Variants in PHACTR1 observed in about 807,000 individuals in gnomAD.
PHACTR1 encodes the protein phosphatase and actin regulator 1.
PHACTR1 carries 16 observed loss-of-function variants against 69.2 expected under a neutral mutation model. That is an observed-to-expected ratio of 0.23 (90% CI 0.16 to 0.35). PHACTR1 has a LOEUF of 0.35. Among genes scored for constraint, PHACTR1 ranks in the 10% least tolerant of loss-of-function variants. The probability of loss-of-function intolerance (pLI) is 1.00; values close to 1 mark genes in which losing one functional copy is unlikely to be tolerated. For missense variants in PHACTR1, 510 were observed against 734.7 expected (o/e 0.69, Z 3.54); for synonymous variants, 312 against 284.5 (o/e 1.10, Z -0.97).
rs138697286 is a variant in PHACTR1 at position 13,167,048 on chromosome 6, G to T, written c.496+6764G>T. Among the ~76,000 whole-genome samples, 319 of 152,340 alleles carry T rather than the reference G, an allele frequency of 2.1e-3. 2 individuals carry two copies. Among genetic ancestry groups the T allele is most frequent in the East Asian group, 0.021 (107 of 5,190 alleles). Reference sequence around the variant, plus strand: ...CTGGCTAGCTACTGATTATTCCAATGTAGGCAGGAAGCAGCTGAAGCCCAG... The same window carrying T: ...CTGGCTAGCTACTGATTATTCCAATTTAGGCAGGAAGCAGCTGAAGCCCAG... On this transcript the variant is annotated intron_variant, in intron 6 of 14. Coordinates refer to ENST00000332995, the MANE Select transcript of PHACTR1 (RefSeq NM_030948.6).
At position 13,211,838 on chromosome 6, in the gene PHACTR1, A is replaced by T. The variant is rs147765227; in HGVS notation, c.986+5702A>T. ...CACACCTGCTCTGCAGCCCATCCCC[A>T]CTACAACAGCAAAAGAGACAGGGTT... On this transcript the variant is annotated intron_variant, in intron 8 of 14. Coordinates refer to ENST00000332995, the MANE Select transcript of PHACTR1 (RefSeq NM_030948.6). Among the ~76,000 whole-genome samples the T allele has an allele frequency of 2.2e-3, 335 of 152,164 alleles. 1 individual carries two copies. Among genetic ancestry groups the T allele is most frequent in the African/African-American group, 7.5e-3 (313 of 41,516 alleles).
intron 7 of PHACTR1, among the ~76,000 whole-genome samples, chr6:13,191,566 A>C (rs1362231565): frequency 6.6e-6 from 1 of 152,174 alleles, no homozygotes; most frequent in African/African-American, 2.4e-5. Flanking sequence ...CAAATGTTCT[A>C]TAGTTGCCTG....
chr6:12,801,056 A>G (rs1049166334), intron 4 of PHACTR1, among the ~76,000 whole-genome samples: 3 of 152,306 alleles, frequency 2.0e-5, no homozygotes, highest in Admixed American at 6.5e-5. Flanking sequence ...GGGATTCTTT[A>G]GGGCCTTTGA....
intron 4 of PHACTR1, among the ~76,000 whole-genome samples, chr6:13,001,797 G>C (rs1798125697): frequency 6.6e-6 from 1 of 152,204 alleles, no homozygotes; most frequent in Non-Finnish European, 1.5e-5. Flanking sequence ...GATCATGCTT[G>C]AGTGATAGGT....
chr6:13,238,509 A>G (rs918521215), intron 10 of PHACTR1, among the ~76,000 whole-genome samples: 7 of 152,250 alleles, frequency 4.6e-5, no homozygotes, highest in Non-Finnish European at 1.0e-4. Flanking sequence ...CATTGTTGCT[A>G]TAAGCAGAAT....
intron 4 of PHACTR1, among the ~76,000 whole-genome samples, chr6:12,814,431 CT>C (rs1316345387): frequency 1.3e-5 from 2 of 152,230 alleles, no homozygotes; most frequent in African/African-American, 2.4e-5. Context: ...AAAAATGTCT[CT>C]TTGCTGTTTT....
chr6:12,802,583 G>T (rs9463134), intron 4 of PHACTR1, among the ~76,000 whole-genome samples: 1 of 151,920 alleles, frequency 6.6e-6, no homozygotes, highest in Non-Finnish European at 1.5e-5. Context: ...GCCATCAACC[G>T]TAGGATGTAC....
chr6:12,936,109 C>T (rs1029844451), intron 4 of PHACTR1, among the ~76,000 whole-genome samples: 1 of 149,784 alleles, frequency 6.7e-6, no homozygotes, highest in African/African-American at 2.5e-5. Context: ...TTGCAACAAA[C>T]AATGAGTGTT....
chr6:12,905,030 C>T lies in PHACTR1; in HGVS notation c.251-148335C>T, dbSNP rs1198102968. ...CACTTGATGGTAGGGGAGGCTTCTA[C>T]CCACCAACTAATTCCATGTTTCTCA... On this transcript the variant is annotated intron_variant, in intron 4 of 14. Transcript: ENST00000332995. Among the ~76,000 whole-genome samples, 3 of 152,268 alleles carry T rather than the reference C, an allele frequency of 2.0e-5. 1 individual carries two copies. Among genetic ancestry groups the T allele is most frequent in the South Asian group, 4.1e-4 (2 of 4,822 alleles).
At chr6:12,911,667 TA>T (rs545016809) in intron 4 of PHACTR1, among the ~76,000 whole-genome samples, 24 of 150,668 alleles carry the variant, frequency 1.6e-4, no homozygotes, top group African/African-American at 3.2e-4. Context: ...ATTTTTTGTT[TA>T]AAAAAAAAAT....
chr6:13,079,244 AG>A (rs1347771140), intron 5 of PHACTR1, among the ~76,000 whole-genome samples: 1 of 152,102 alleles, frequency 6.6e-6, no homozygotes, highest in Admixed American at 6.6e-5. Flanking sequence ...CGATGGCTGG[AG>A]GTTTGGGCAT....
intron 5 of PHACTR1, among the ~76,000 whole-genome samples, chr6:13,127,147 G>A (rs908362390): frequency 4.6e-5 from 7 of 152,278 alleles, no homozygotes; most frequent in African/African-American, 1.2e-4. Flanking sequence ...ATAAGGGTTC[G>A]TTTAACAAGG....
At chr6:13,087,243 A>G (rs1377081982) in intron 5 of PHACTR1, among the ~76,000 whole-genome samples, 2 of 150,216 alleles carry the variant, frequency 1.3e-5, no homozygotes, top group East Asian at 3.9e-4. Context: ...ACAGTAGCTT[A>G]AAATCATCCT....
In PHACTR1 at chr6:13,164,463, T is replaced by C. The variant is rs534566800; in HGVS notation, c.496+4179T>C. 5.3e-4 allele frequency among the ~76,000 whole-genome samples: 80 copies of C among 152,312 alleles called. 1 individual carries two copies. The highest frequency in any genetic ancestry group is 1.9e-3 in the African/African-American group (78 of 41,570). ...CAAAATCGTTTCCACCAGCGATGCA[T>C]GGACCCTGACAGCTGCCGCATTGAT... On this transcript the variant is annotated intron_variant, in intron 6 of 14. Transcript: ENST00000332995.
intron 5 of PHACTR1, among the ~76,000 whole-genome samples, chr6:13,093,140 C>G (rs963471842): frequency 1.3e-5 from 2 of 152,122 alleles, no homozygotes; most frequent in Admixed American, 1.3e-4. Flanking sequence ...TATGTATCTA[C>G]TTTGTTATTT....
At chr6:13,187,176 C>T (rs548361813) in intron 7 of PHACTR1, among the ~76,000 whole-genome samples, 6 of 152,246 alleles carry the variant, frequency 3.9e-5, no homozygotes, top group East Asian at 1.9e-4. Context: ...CTGTGCAGCC[C>T]GGTTCCTAAT....
chr6:12,741,805 G>A (rs1174248478), intron 3 of PHACTR1, among the ~76,000 whole-genome samples: 2 of 148,834 alleles, frequency 1.3e-5, no homozygotes, highest in African/African-American at 4.9e-5. Flanking sequence ...GATTTTGATT[G>A]GAATTACATT....
At chr6:13,191,947 A>G (rs913450533) in intron 7 of PHACTR1, among the ~76,000 whole-genome samples, 7 of 152,240 alleles carry the variant, frequency 4.6e-5, no homozygotes, top group African/African-American at 1.7e-4. Context: ...TCTGTTGATT[A>G]AAACAGTTTT....
intron 4 of PHACTR1, among the ~76,000 whole-genome samples, chr6:12,925,863 T>C (rs564792853): frequency 6.6e-6 from 1 of 152,038 alleles, no homozygotes; most frequent in Non-Finnish European, 1.5e-5. Flanking sequence ...GAAAAAAAAA[T>C]TTCAGGGGCC....
Sources: allele counts gnomAD v4.1 joint callset (sites outside exome capture counted in the v4.1 genomes callset), GRCh38; gene constraint gnomAD v4.1.1; transcripts MANE v1.5; gene names NCBI Gene and HGNC (gene_info 2026-07-23, HGNC 2026-07-21).